Variants in PSD3 observed in about 807,000 individuals in gnomAD.
PSD3 encodes the protein pleckstrin and Sec7 domain containing 3.
In PSD3, 49 loss-of-function variants were observed where a neutral mutation model predicts 105.5. The observed-to-expected ratio is 0.46, with a 90% confidence interval of 0.37 to 0.59. PSD3 has a LOEUF of 0.59. Ranked by LOEUF, PSD3 falls within the 20% of genes least tolerant of loss-of-function variation. The probability of loss-of-function intolerance (pLI) is 0.00; values close to 1 mark genes in which losing one functional copy is unlikely to be tolerated. For synonymous variants in PSD3, 557 were observed against 457.8 expected, an observed-to-expected ratio of 1.22 and a Z score of -2.77; for missense variants, 1,561 against 1,263.8, an observed-to-expected ratio of 1.24 and a Z score of -3.57.
chr8:18,765,073 A>C (rs1806861104), intron 9 of PSD3, among the ~76,000 whole-genome samples: 2 of 152,198 alleles, frequency 1.3e-5, no homozygotes, highest in Non-Finnish European at 1.5e-5. Context: ...GATTGAACAC[A>C]GTTGGAACTG....
intron 8 of PSD3, among the ~76,000 whole-genome samples, chr8:18,786,403 A>G (rs1809161097): frequency 6.6e-6 from 1 of 152,234 alleles, no homozygotes; most frequent in Admixed American, 6.5e-5. Flanking sequence ...TTAAAACAGT[A>G]AAGTCTATGA....
intron 15 of PSD3, among the ~76,000 whole-genome samples, chr8:18,553,259 G>C (rs1184360734): frequency 1.3e-5 from 2 of 152,180 alleles, no homozygotes; most frequent in East Asian, 1.9e-4. Flanking sequence ...GAGGAGGTGA[G>C]AGCACCCATT....
chr8:18,905,745 C>T (rs556269943), intron 2 of PSD3, among the ~76,000 whole-genome samples: 46 of 152,130 alleles, frequency 3.0e-4, no homozygotes, highest in Admixed American at 7.2e-4. Flanking sequence ...AAATACCTAT[C>T]ATAGTATTCT....
intron 9 of PSD3, among the ~76,000 whole-genome samples, chr8:18,698,869 A>G (rs1318045098): frequency 1.3e-5 from 2 of 152,218 alleles, no homozygotes; most frequent in East Asian, 3.9e-4. Flanking sequence ...ATAAGTTTCA[A>G]TAAAAAAGTA....
At chr8:18,541,943 G>T (rs1482822344) in intron 15 of PSD3, among the ~76,000 whole-genome samples, 2 of 151,946 alleles carry the variant, frequency 1.3e-5, no homozygotes, top group Non-Finnish European at 2.9e-5. Context: ...CTGGAGAACG[G>T]GGTTTCTCCA....
chr8:18,908,085 G>C (rs138074998), intron 2 of PSD3, among the ~76,000 whole-genome samples: 5 of 152,044 alleles, frequency 3.3e-5, no homozygotes, highest in African/African-American at 1.2e-4. Flanking sequence ...AATTAATATA[G>C]AATTTCAAAA....
chr8:18,744,470 C>T (rs917044791), intron 9 of PSD3, among the ~76,000 whole-genome samples: 2 of 152,220 alleles, frequency 1.3e-5, no homozygotes, highest in East Asian at 1.9e-4. Context: ...TAAAGTATAA[C>T]TGATGTAATC....
chr8:19,017,282 C>G (rs1247979233), upstream of PSD3, among the ~76,000 whole-genome samples: 1 of 152,094 alleles, frequency 6.6e-6, no homozygotes, highest in East Asian at 1.9e-4. Flanking sequence ...CTCCTGGCCT[C>G]AAACAGTCCT....
intron 11 of PSD3, among the ~76,000 whole-genome samples, chr8:18,609,886 G>T (rs1222802677): frequency 6.6e-6 from 1 of 152,150 alleles, no homozygotes; most frequent in Admixed American, 6.5e-5. Context: ...TTAGATTACT[G>T]CTTGAAGCAA....
intron 10 of PSD3, among the ~76,000 whole-genome samples, chr8:18,636,955 C>T (rs1345591884): frequency 6.6e-6 from 1 of 152,118 alleles, no homozygotes; most frequent in Non-Finnish European, 1.5e-5. Flanking sequence ...TTTGTGTATC[C>T]ATCCAACCAT....
At chr8:18,568,560 A>G (rs1412185357) in intron 14 of PSD3, among the ~76,000 whole-genome samples, 2 of 152,126 alleles carry the variant, frequency 1.3e-5, no homozygotes, top group Non-Finnish European at 2.9e-5. Context: ...ATGAGCCACC[A>G]GAAGTGTCCA....
intron 2 of PSD3, among the ~76,000 whole-genome samples, chr8:18,880,267 G>C (rs1415647213): frequency 6.6e-6 from 1 of 152,160 alleles, no homozygotes; most frequent in African/African-American, 2.4e-5. Flanking sequence ...TAGGGCCTTA[G>C]ATACTTCCTA....
chr8:18,873,068 C>A (rs899582278), intron 2 of PSD3, among the ~76,000 whole-genome samples: 2 of 152,152 alleles, frequency 1.3e-5, no homozygotes, highest in Admixed American at 1.3e-4. Flanking sequence ...AGGATATGTA[C>A]CAACTTCCAA....
At chr8:19,047,001 G>A (rs1388108818) in intron 1 of PSD3, among the ~76,000 whole-genome samples, 1 of 152,198 alleles carries the variant, frequency 6.6e-6, no homozygotes, top group Non-Finnish European at 1.5e-5. Context: ...TGGCAGCCCT[G>A]GGACCAACAG....
At chr8:18,791,264 C>G (rs1480161935) in intron 8 of PSD3, among the ~76,000 whole-genome samples, 1 of 152,072 alleles carries the variant, frequency 6.6e-6, no homozygotes, top group African/African-American at 2.4e-5. Context: ...ACCACCCAGA[C>G]AGTCAAAGCA....
At chr8:18,769,671 A>G (rs1807328528) in intron 8 of PSD3, among the ~76,000 whole-genome samples, 2 of 152,182 alleles carry the variant, frequency 1.3e-5, no homozygotes, top group African/African-American at 4.8e-5. Context: ...GGCAAGCACA[A>G]ATCTGCATTT....
chr8:18,957,319 G>A (rs1003871541), intron 1 of PSD3, among the ~76,000 whole-genome samples: 3 of 151,472 alleles, frequency 2.0e-5, no homozygotes, highest in East Asian at 1.9e-4. Flanking sequence ...TATGGTGAGC[G>A]GAGATCACGT....
At chr8:18,803,287 CAAAAAAAAAAAAAA>C in intron 6 of PSD3, 1 of 51,178 alleles carries the variant, frequency 2.0e-5, no homozygotes, top group South Asian at 1.3e-3. Flanking sequence ...ACTCTGTCTC[CAAAAAAAAAAAAAA>C]AAAAAAAAGG....
At chr8:19,077,223 T>G (rs1369750025) in intron 1 of PSD3, among the ~76,000 whole-genome samples, 1 of 152,172 alleles carries the variant, frequency 6.6e-6, no homozygotes, top group Non-Finnish European at 1.5e-5. Flanking sequence ...CCAAGCTCCT[T>G]GCAGATAAAA....
Sources: allele counts gnomAD v4.1 joint callset (sites outside exome capture counted in the v4.1 genomes callset), GRCh38; gene constraint gnomAD v4.1.1; transcripts MANE v1.5; gene names NCBI Gene and HGNC (gene_info 2026-07-23, HGNC 2026-07-21).